Variants in LIMCH1 observed in about 807,000 individuals in gnomAD.
LIMCH1 encodes LIM and calponin homology domains 1.
A neutral mutation model predicts 176.5 loss-of-function variants in LIMCH1; 113 were observed. The ratio of observed to expected loss-of-function variants is 0.64; its 90% CI spans 0.55 to 0.75. The LOEUF (loss-of-function observed/expected upper bound fraction) is 0.75, where lower values mean the gene tolerates loss of function less well. LIMCH1 is among the 30% of genes least tolerant of loss of function. LIMCH1 has a pLI of 0.00. For synonymous variants in LIMCH1, 619 were observed against 645.9 expected, an observed-to-expected ratio of 0.96 and a Z score of 0.63; for missense variants, 1,674 against 1,814.9, an observed-to-expected ratio of 0.92 and a Z score of 1.41.
chr4:41,591,242 T>TCTTG (rs1030609239), intron 1 of LIMCH1, among the ~76,000 whole-genome samples: 7 of 150,334 alleles, frequency 4.7e-5, no homozygotes, highest in African/African-American at 1.0e-4. Context: ...TTTCTTTCTT[T>TCTTG]CTTGCTTGCT....
chr4:41,631,586 C>T, intron 10 of LIMCH1, 109 bp downstream of exon 10: 2 of 919,410 alleles, frequency 2.2e-6, no homozygotes, highest in Admixed American at 6.0e-5. Context: ...ATAGTTTTAA[C>T]AGACTATGTA....
At chr4:41,549,659 C>T (rs1434618030) in intron 1 of LIMCH1, among the ~76,000 whole-genome samples, 1 of 152,124 alleles carries the variant, frequency 6.6e-6, no homozygotes, top group Non-Finnish European at 1.5e-5. Flanking sequence ...AGTCTGGCTC[C>T]TAACCACCGT....
chr4:41,573,484 A>G (rs768738209), intron 1 of LIMCH1, among the ~76,000 whole-genome samples: 34 of 152,188 alleles, frequency 2.2e-4, no homozygotes, highest in Non-Finnish European at 3.8e-4. Flanking sequence ...ACTGTGCATC[A>G]CTTTTCCAGC....
At chr4:41,455,501 A>G (rs1012535821) in intron 1 of LIMCH1, among the ~76,000 whole-genome samples, 6 of 152,188 alleles carry the variant, frequency 3.9e-5, no homozygotes, top group Admixed American at 2.0e-4. Context: ...ATGCTCTTTC[A>G]TTGTTTCTTT....
chr4:41,430,179 G>A (rs1006679075), intron 1 of LIMCH1, among the ~76,000 whole-genome samples: 1 of 152,126 alleles, frequency 6.6e-6, no homozygotes, highest in African/African-American at 2.4e-5. Context: ...TATATTTTTT[G>A]GGGGAAATAG....
chr4:41,490,796 C>T (rs550953008), intron 1 of LIMCH1, among the ~76,000 whole-genome samples: 11 of 152,356 alleles, frequency 7.2e-5, no homozygotes, highest in African/African-American at 1.2e-4. Context: ...GCTGTCTCTT[C>T]GGAGCTGTTG....
At chr4:41,504,533 G>A (rs2073888256) in intron 2 of LIMCH1, among the ~76,000 whole-genome samples, 1 of 152,228 alleles carries the variant, frequency 6.6e-6, no homozygotes, top group Admixed American at 6.5e-5. Flanking sequence ...CCCACTCGTG[G>A]GAGCAACCCC....
rs756549285 is a variant in LIMCH1, at chr4:41,626,827, G to A, written c.845G>A (p.Arg282Gln). 1.0e-5 allele frequency: 16 copies of A among 1,536,022 alleles called. No homozygotes were observed. The South Asian group carries it at 1.1e-4, about 10-fold the overall frequency. ...DSEAEGEVVCRLPDLEKDDFA... is the reference protein window; with the variant it reads ...DSEAEGEVVCQLPDLEKDDFA... Reference sequence around the variant, plus strand: ...GAGGCAGAAGGTGAAGTTGTGTGTCGACTGCCTGATCTTGAGAAGGATGAC... The same window carrying A: ...GAGGCAGAAGGTGAAGTTGTGTGTCAACTGCCTGATCTTGAGAAGGATGAC... The change falls in exon 8 of 32, where the codon CGA becomes CAA. Residue 282 changes from arginine (R) to glutamine (Q), a missense_variant. Arg to Gln is a conservative substitution (Grantham distance 43). Around this residue, in one of 3 missense-constraint regions of LIMCH1, gnomAD observed 655 missense variants for 692.2 expected, o/e 0.95. Transcript: ENST00000503057.
Position 41,685,844 on chromosome 4 carries a change from C to G in LIMCH1, c.4088+14C>G, listed in dbSNP as rs765708191. ...TGAAAGGCGGAAGTGAGTAACCAGACACGATGGTTGTGGGATTCCCTTTTT... is the reference window on the plus strand; with the variant it reads ...TGAAAGGCGGAAGTGAGTAACCAGAGACGATGGTTGTGGGATTCCCTTTTT... On this transcript the variant is annotated intron_variant, in intron 28 of 31. Coordinates refer to ENST00000503057, the MANE Select transcript of LIMCH1 (RefSeq NM_001330672.2). 6.8e-6 allele frequency: 11 copies of G among 1,608,024 alleles called. No homozygotes were observed. Among genetic ancestry groups the G allele is most frequent in the Admixed American group, 1.7e-5 (1 of 58,676 alleles).
intron 18 of LIMCH1, among the ~76,000 whole-genome samples, chr4:41,659,734 T>TGG (rs2094558669): frequency 6.6e-6 from 1 of 152,160 alleles, no homozygotes; most frequent in African/African-American, 2.4e-5. Context: ...CTTTAGCTTT[T>TGG]TACAAGAAAC....
rs566121769 is a variant in LIMCH1, at chr4:41,566,368, A to G, written c.-241+28018A>G. On this transcript the variant is annotated intron_variant, in intron 1 of 31. Transcript: ENST00000503057. Reference sequence around the variant, plus strand: ...ATGGCAGCTATAGCCTTACAAATATATTTCTTAGATAATAGGACTTGAAAA... The same window carrying G: ...ATGGCAGCTATAGCCTTACAAATATGTTTCTTAGATAATAGGACTTGAAAA... Among the ~76,000 whole-genome samples, 53 of 152,284 alleles carry G rather than the reference A, an allele frequency of 3.5e-4. No individual in the cohort carries two copies. In the South Asian group the frequency reaches 0.011, roughly 31 times the overall value.
chr4:41,650,230 C>T (rs569747068), intron 17 of LIMCH1, among the ~76,000 whole-genome samples, 163 bp from the exon 18 acceptor site: 2 of 152,302 alleles, frequency 1.3e-5, no homozygotes, highest in South Asian at 2.1e-4. Flanking sequence ...TTTATAGAAG[C>T]CCTAACTCAT....
At chr4:41,498,674 G>T (rs1334368147) in intron 2 of LIMCH1, among the ~76,000 whole-genome samples, 1 of 152,162 alleles carries the variant, frequency 6.6e-6, no homozygotes, top group Non-Finnish European at 1.5e-5. Context: ...AAAAAGGAGG[G>T]CTGCAGAGAG....
At chr4:41,421,158 C>T (rs1320501036) in intron 1 of LIMCH1, among the ~76,000 whole-genome samples, 1 of 152,178 alleles carries the variant, frequency 6.6e-6, no homozygotes, top group Non-Finnish European at 1.5e-5. Context: ...CTACCACTAG[C>T]AGTGAGATCC....
intron 1 of LIMCH1, among the ~76,000 whole-genome samples, chr4:41,484,064 T>C (rs540432261): frequency 1.3e-5 from 2 of 152,358 alleles, no homozygotes; most frequent in South Asian, 4.1e-4. Flanking sequence ...TTTAAATAAA[T>C]TAATGTGACA....
chr4:41,505,925 GACACACACAC>G (rs36212568), intron 2 of LIMCH1, among the ~76,000 whole-genome samples: 12,462 of 134,630 alleles, frequency 0.093, 653 homozygotes, highest in South Asian at 0.22. Flanking sequence ...CTGTGTTTCT[GACACACACAC>G]ACACACACAC....
chr4:41,534,479 A>G (rs2077660730), upstream of LIMCH1, among the ~76,000 whole-genome samples: 1 of 152,256 alleles, frequency 6.6e-6, no homozygotes, highest in Non-Finnish European at 1.5e-5. Flanking sequence ...AATAGGAATC[A>G]TGGGAACATG....
At chr4:41,388,593 T>C (rs1484080711) in intron 1 of LIMCH1, among the ~76,000 whole-genome samples, 1 of 152,222 alleles carries the variant, frequency 6.6e-6, no homozygotes. Flanking sequence ...ACTTATGGAA[T>C]TGGACTTTTA....
At chr4:41,638,481 GGGACA>G (rs1244702486) in intron 13 of LIMCH1, among the ~76,000 whole-genome samples, 2 of 152,190 alleles carry the variant, frequency 1.3e-5, no homozygotes, top group Admixed American at 6.5e-5. Flanking sequence ...TAACATCTCA[GGGACA>G]GGGTCAGTAA....
Sources: gnomAD v4.1 joint callset for allele counts (sites outside exome capture counted in the v4.1 genomes callset) on GRCh38, gnomAD v4.1.1 for gene constraint, gnomAD v4.1.1 regional missense constraint, MANE v1.5 for transcripts, NCBI Gene and HGNC (gene_info 2026-07-23, HGNC 2026-07-21) for gene names.